Variants in ZNF415 observed in about 807,000 individuals in gnomAD.
The protein encoded by ZNF415 is zinc finger protein 415.
Under a neutral mutation model 7.3 loss-of-function variants are expected in ZNF415, and 5 were observed. The ratio of observed to expected loss-of-function variants is 0.69; its 90% CI spans 0.36 to 1.44. The LOEUF (loss-of-function observed/expected upper bound fraction) is 1.44. ZNF415 is among the 40% of genes most tolerant of loss of function. The pLI, the probability that ZNF415 is intolerant of heterozygous loss-of-function variation, is 0.04. For missense variants in ZNF415, 628 were observed against 664.8 expected (o/e 0.94, Z 0.61); for synonymous variants, 207 against 226.3 (o/e 0.91, Z 0.77).
intron 1 of ZNF415, 47 bp from the exon 2 acceptor site, chr19:53,122,790 C>T (rs768049911): frequency 2.8e-6 from 4 of 1,433,432 alleles, no homozygotes; most frequent in Middle Eastern, 3.5e-4. Flanking sequence ...AACAACACAC[C>T]CCCTCTTGTG....
chr19:53,109,818 T>C lies in ZNF415; in HGVS notation c.227A>G (p.His76Arg). ...AAACTCTTCAATGTCATGTTTTTCA[T>C]GTTGTTCCAATGTCACTGTGTGGAA... ...EVFHTVTLEQ[H>R]EKHDIEEFCF... The change falls in exon 4 of 4, where the codon CAT becomes CGT. Residue 76 changes from histidine to arginine, a missense_variant. Transcript: ENST00000243643. 6.2e-7 allele frequency: 1 copy of C among 1,614,072 alleles called. No individual in the cohort carries two copies. The highest frequency in any genetic ancestry group is 1.6e-4 in the Middle Eastern group (1 of 6,062).
chr19:53,124,643 T>TG (rs567695868), intron 1 of ZNF415, among the ~76,000 whole-genome samples: 6 of 152,138 alleles, frequency 3.9e-5, no homozygotes, highest in African/African-American at 1.4e-4. Context: ...GGTACACAAT[T>TG]GGAGGGTTAG....
intron 1 of ZNF415, among the ~76,000 whole-genome samples, chr19:53,127,890 G>A (rs79648548): frequency 5.0e-4 from 41 of 82,008 alleles, no homozygotes; most frequent in Middle Eastern, 6.1e-3. Flanking sequence ...AAAAAAAAAA[G>A]AAAAAGAAAA....
intron 2 of ZNF415, among the ~76,000 whole-genome samples, chr19:53,117,333 C>T (rs749146648): frequency 2.6e-5 from 4 of 151,546 alleles, no homozygotes; most frequent in South Asian, 4.2e-4. Context: ...CCCAGCTACT[C>T]GGGAGGCTGA....
intron 1 of ZNF415, among the ~76,000 whole-genome samples, chr19:53,124,869 G>A (rs78435837): frequency 0.087 from 13,260 of 151,606 alleles, 777 homozygotes; most frequent in Non-Finnish European, 0.12. Flanking sequence ...GAAGAGGTGC[G>A]GGGCAGGAAT....
intron 3 of ZNF415, chr19:53,115,946 T>G: frequency 1.4e-6 from 1 of 717,232 alleles, no homozygotes; most frequent in Non-Finnish European, 2.3e-6. Context: ...TTTCACAAAT[T>G]ATTTCACTGA....
chr19:53,122,058 C>A (rs781334076), intron 2 of ZNF415, among the ~76,000 whole-genome samples: 44 of 151,550 alleles, frequency 2.9e-4, no homozygotes, highest in Admixed American at 5.9e-4. Flanking sequence ...ACCAGCCTGA[C>A]CAACATAGAG....
chr19:53,121,995 C>T (rs1019301703), intron 2 of ZNF415, among the ~76,000 whole-genome samples: 4 of 151,854 alleles, frequency 2.6e-5, no homozygotes, highest in African/African-American at 9.7e-5. Flanking sequence ...GCCTGTAATC[C>T]CAGCACTTTG....
chr19:53,122,367 C>T, intron 2 of ZNF415: 5 of 1,531,980 alleles, frequency 3.3e-6, no homozygotes, highest in Non-Finnish European at 4.4e-6. Context: ...TGAACAATCC[C>T]TGCTGCCCAA....
chr19:53,111,803 T>C (rs1200429583), intron 3 of ZNF415, among the ~76,000 whole-genome samples: 1 of 152,188 alleles, frequency 6.6e-6, no homozygotes, highest in Non-Finnish European at 1.5e-5. Flanking sequence ...CCACCTTGTT[T>C]TAAAAACTTT....
chr19:53,128,560 G>T (rs2089591324), intron 1 of ZNF415, among the ~76,000 whole-genome samples: 1 of 111,866 alleles, frequency 8.9e-6, no homozygotes, highest in Non-Finnish European at 2.0e-5. Context: ...CCTGCTGGAA[G>T]GCAAAGCCCC....
At position 53,122,653 on chromosome 19, in the gene ZNF415, T is replaced by C. The variant is rs767806612; in HGVS notation, c.15+9A>G. ...GAGACAGAATGATCCACACAGAATC[T>C]TTCTTTACCTGAGTAAAAGCCATTC... On this transcript the variant is annotated intron_variant, in intron 2 of 3. Transcript: ENST00000243643. The C allele has an allele frequency of 1.9e-6, 3 of 1,614,176 alleles. 1 individual carries two copies. In the South Asian group the frequency reaches 3.3e-5, roughly 18 times the overall value.
chr19:53,112,281 A>G (rs2086350780), intron 3 of ZNF415, among the ~76,000 whole-genome samples: 1 of 152,058 alleles, frequency 6.6e-6, no homozygotes, highest in Non-Finnish European at 1.5e-5. Flanking sequence ...ACCCACAGGC[A>G]GTGTGGAAAA....
chr19:53,117,054 C>G (rs528724784), intron 2 of ZNF415, among the ~76,000 whole-genome samples: 59 of 152,202 alleles, frequency 3.9e-4, no homozygotes, highest in African/African-American at 1.3e-3. Context: ...GTTTAGATAT[C>G]TAGATACAGG....
At position 53,127,333 on chromosome 19, in the gene ZNF415, T is replaced by C. The variant is rs533780194; in HGVS notation, c.-67-4590A>G. On this transcript the variant is annotated intron_variant, in intron 1 of 3. Transcript: ENST00000243643. ...GCACTGCCTGAGGACACAGGGTTTA[T>C]AGAAGCCCGGCTACGAAATTTCGCA... is the stretch of plus-strand genomic sequence containing the variant. Among the ~76,000 whole-genome samples, 11 of 152,292 alleles carry C rather than the reference T, an allele frequency of 7.2e-5. No homozygotes were observed. The South Asian group carries it at 1.2e-3, about 17-fold the overall frequency.
In ZNF415 at chr19:53,116,609, C is replaced by CTTTTTTT. The variant is rs1410295819; in HGVS notation, c.16-177_16-176insAAAAAAA. On this transcript the variant is annotated intron_variant, in intron 2 of 3. Transcript: ENST00000243643. ...TCTCTCCCTAATTGTGGTTTTTTTT[C>CTTTTTTT]TCTCTTTTTTTTTTTTTTTGGTTTG... Among the ~76,000 whole-genome samples the CTTTTTTT allele has an allele frequency of 4.9e-3, 396 of 80,916 alleles. 7 individuals are homozygous for CTTTTTTT. The highest frequency in any genetic ancestry group is 0.019 in the African/African-American group (378 of 19,862). The allele number at this position is 80,916 out of a possible 152,430, so 53.1% of individuals were successfully genotyped here.
rs751908272 is a variant in ZNF415 at position 53,108,696 on chromosome 19, C to A, written c.1349G>T (p.Ser450Ile). Reference protein sequence around the residue: ...YKCNECGKAFSVHSNLTTHQV... With the variant: ...YKCNECGKAFIVHSNLTTHQV... The stretch of plus-strand genomic sequence containing the variant: ...ATGGGTAGTTAAGTTCGAATGCACA[C>A]TAAAGGCTTTCCCACACTCATTACA... The change falls in exon 4 of 4, where the codon AGT becomes ATT. Residue 450 changes from serine to isoleucine, a missense_variant. Ser to Ile is a moderately radical substitution (Grantham distance 142, BLOSUM62 -2). Coordinates refer to ENST00000243643, the MANE Select transcript of ZNF415 (RefSeq NM_018355.4). The A allele has an allele frequency of 8.1e-6, 13 of 1,614,096 alleles. No homozygotes were observed. Among genetic ancestry groups the A allele is most frequent in the Middle Eastern group, 1.6e-4 (1 of 6,084 alleles).
chr19:53,128,610 G>A lies in ZNF415; in HGVS notation c.-68+4246C>T, dbSNP rs1447185301. ...ACTGGGCCCCGCTGATGTGTAGAGC[G>A]TGGAAGACCCGGGAGCTGGAGTAAG... On this transcript the variant is annotated intron_variant, in intron 1 of 3. Coordinates refer to ENST00000243643, the MANE Select transcript of ZNF415 (RefSeq NM_018355.4). Among the ~76,000 whole-genome samples, 3 of 102,148 alleles carry A rather than the reference G, an allele frequency of 2.9e-5. 1 individual carries two copies. The Admixed American group carries it at 3.1e-4, about 11-fold the overall frequency. The allele number at this position is 102,148 out of a possible 152,430, so 67.0% of individuals were successfully genotyped here.
At chr19:53,128,182 G>C (rs2146650919) in intron 1 of ZNF415, among the ~76,000 whole-genome samples, 1 of 152,166 alleles carries the variant, frequency 6.6e-6, no homozygotes, top group East Asian at 1.9e-4. Flanking sequence ...TAGGCTGAAA[G>C]GCAAAAGGGC....
Sources: allele counts gnomAD v4.1 joint callset (sites outside exome capture counted in the v4.1 genomes callset), GRCh38; gene constraint gnomAD v4.1.1; transcripts MANE v1.5; gene names NCBI Gene and HGNC (gene_info 2026-07-23, HGNC 2026-07-21).